TENM2: variants seen among roughly 807,000 people sequenced by gnomAD.
TENM2 encodes the protein teneurin transmembrane protein 2.
A neutral mutation model predicts 245.2 loss-of-function variants in TENM2; 52 were observed. The ratio of observed to expected loss-of-function variants is 0.21; its 90% CI spans 0.17 to 0.27. TENM2 has a LOEUF of 0.27. Ranked by LOEUF, TENM2 falls within the 10% of genes least tolerant of loss-of-function variation. The pLI is 1.00. For missense variants in TENM2, 3,046 were observed against 3,666.8 expected, an observed-to-expected ratio of 0.83 and a Z score of 4.37; for synonymous variants, 1,363 against 1,438.9, an observed-to-expected ratio of 0.95 and a Z score of 1.19.
chr5:167,411,445 A>C (rs980402645), intron 2 of TENM2, among the ~76,000 whole-genome samples: 1 of 152,000 alleles, frequency 6.6e-6, no homozygotes, highest in East Asian at 1.9e-4. Context: ...CTTTAACTGA[A>C]AGAGATGGCG....
intron 5 of TENM2, among the ~76,000 whole-genome samples, chr5:168,007,585 A>G (rs1189417124): frequency 6.6e-6 from 1 of 152,198 alleles, no homozygotes; most frequent in Non-Finnish European, 1.5e-5. Context: ...TCAGTATAGA[A>G]GGGCACTCAA....
chr5:167,119,986 G>A, the TENM2 span, among the ~76,000 whole-genome samples: 1 of 152,160 alleles, frequency 6.6e-6, no homozygotes, highest in African/African-American at 2.4e-5. Context: ...GGATCTTCAG[G>A]GGAAGAGATG....
chr5:168,204,431 AC>A lies in TENM2; in HGVS notation c.3636del (p.Ser1213AlafsTer56). On this transcript the variant is annotated frameshift_variant, in exon 19 of 29. Coordinates refer to ENST00000518659, the Ensembl canonical transcript of TENM2. LOFTEE classifies it high-confidence loss of function. ...CCTGACCCAGCAGCCTGCCATCATC[AC>A]CAGCATCATGGGCAATGGTCGCCGC... 1 of 1,613,800 alleles carries A rather than the reference AC, an allele frequency of 6.2e-7. No homozygotes were observed.
At chr5:167,459,509 T>C (rs1311340670) in intron 2 of TENM2, among the ~76,000 whole-genome samples, 1 of 152,206 alleles carries the variant, frequency 6.6e-6, no homozygotes, top group African/African-American at 2.4e-5. Flanking sequence ...TTGGGGTATA[T>C]ACCCCCAAAT....
the TENM2 span, among the ~76,000 whole-genome samples, chr5:167,053,831 G>A: frequency 6.6e-6 from 1 of 152,038 alleles, no homozygotes; most frequent in Admixed American, 6.6e-5. Flanking sequence ...CTAACCATAG[G>A]TATTTCCAGG....
the TENM2 span, among the ~76,000 whole-genome samples, chr5:167,229,019 T>G: frequency 6.6e-6 from 1 of 152,146 alleles, no homozygotes; most frequent in African/African-American, 2.4e-5. Flanking sequence ...TAAATTTGAT[T>G]CCATAAGGGA....
chr5:167,997,348 C>G (rs1428228279), intron 5 of TENM2, among the ~76,000 whole-genome samples: 1 of 152,200 alleles, frequency 6.6e-6, no homozygotes, highest in Admixed American at 6.5e-5. Context: ...CTCACCTTAT[C>G]TAGCTCTATC....
At chr5:167,825,877 A>C (rs1312229257) in intron 2 of TENM2, among the ~76,000 whole-genome samples, 2 of 151,944 alleles carry the variant, frequency 1.3e-5, no homozygotes, top group Non-Finnish European at 2.9e-5. Context: ...AAAAAAAAAA[A>C]AAACAACTGT....
rs746682997 is a variant in TENM2, at chr5:168,005,220, A to C, written c.1186+12038A>C. Among the ~76,000 whole-genome samples the C allele has an allele frequency of 7.5e-4, 115 of 152,342 alleles. 1 individual carries two copies. Among genetic ancestry groups the C allele is most frequent in the Non-Finnish European group, 9.8e-4 (67 of 68,028 alleles). On this transcript the variant is annotated intron_variant, in intron 5 of 28. Transcript: ENST00000518659. ...GCCAAAGGTAAATAGGAGAGTGGAT[A>C]CAATGAAATGATCTGTGACTAAATG...
chr5:167,241,592 G>A, the TENM2 span, among the ~76,000 whole-genome samples: 25 of 152,170 alleles, frequency 1.6e-4, 1 homozygote, highest in Non-Finnish European at 3.2e-4. Context: ...GGTATAACAC[G>A]ACTCAAGAGA....
chr5:167,569,921 T>G (rs1173598531), intron 2 of TENM2, among the ~76,000 whole-genome samples: 11 of 152,150 alleles, frequency 7.2e-5, no homozygotes, highest in Non-Finnish European at 1.3e-4. Context: ...CTCCTAATTA[T>G]GATACATCCG....
At chr5:167,646,191 TGTTGTTTTC>T (rs1340833027) in intron 2 of TENM2, among the ~76,000 whole-genome samples, 19 of 113,172 alleles carry the variant, frequency 1.7e-4, no homozygotes, top group Admixed American at 1.4e-3. Flanking sequence ...TATATATATA[TGTTGTTTTC>T]ATATATATAT....
rs1004777625 is a variant in TENM2 at position 167,326,645 on chromosome 5, T to A, written c.226+41582T>A. ...CCGAGTTCATGCCACTGCACTCCAGTCTGGTGAAAAGAATGAGACTCCGTC... is the reference window on the plus strand; with the variant it reads ...CCGAGTTCATGCCACTGCACTCCAGACTGGTGAAAAGAATGAGACTCCGTC... On this transcript the variant is annotated intron_variant, in intron 1 of 28. Coordinates refer to ENST00000518659, the Ensembl canonical transcript of TENM2. Among the ~76,000 whole-genome samples the A allele has an allele frequency of 6.6e-5, 10 of 150,626 alleles. No individual in the cohort carries two copies. The East Asian group carries it at 1.9e-3, about 29-fold the overall frequency.
In TENM2 at chr5:167,967,245, G is replaced by A. The variant is rs1357862434; in HGVS notation, c.947+14423G>A. 2.6e-5 allele frequency among the ~76,000 whole-genome samples: 4 copies of A among 152,082 alleles called. No individual in the cohort carries two copies. The South Asian group carries it at 6.2e-4, about 24-fold the overall frequency. On this transcript the variant is annotated intron_variant, in intron 4 of 28. Transcript: ENST00000518659. The stretch of plus-strand genomic sequence containing the variant: ...GCAGAGAAAAAGCTGGTTAGGAGGG[G>A]CACCTCATCCCCCACATCACTTTCT...
At chr5:167,807,871 T>G (rs1443993441) in intron 2 of TENM2, among the ~76,000 whole-genome samples, 1 of 152,154 alleles carries the variant, frequency 6.6e-6, no homozygotes, top group Non-Finnish European at 1.5e-5. Context: ...GTCACACCCG[T>G]ACCAGTGAAA....
chr5:167,273,709 T>C, the TENM2 span, among the ~76,000 whole-genome samples: 1 of 152,264 alleles, frequency 6.6e-6, no homozygotes, highest in South Asian at 2.1e-4. Context: ...ATAAAGACTA[T>C]GTTGTCCAAG....
intron 2 of TENM2, among the ~76,000 whole-genome samples, chr5:167,651,800 C>G (rs191943026): frequency 9.7e-4 from 147 of 152,248 alleles, no homozygotes; most frequent in African/African-American, 3.4e-3. Context: ...TCTTTCTGTT[C>G]TGAACACACG....
intron 19 of TENM2, among the ~76,000 whole-genome samples, chr5:168,207,580 A>G (rs1762456238): frequency 6.6e-6 from 1 of 152,128 alleles, no homozygotes; most frequent in Non-Finnish European, 1.5e-5. Context: ...TTTTCTTCCC[A>G]CTACATACCT....
At chr5:167,297,097 C>CA in intron 1 of TENM2, among the ~76,000 whole-genome samples, 1 of 152,140 alleles carries the variant, frequency 6.6e-6, no homozygotes, top group Non-Finnish European at 1.5e-5. Context: ...GATTTGAGTG[C>CA]AAAAGGACAT....
Sources: gnomAD v4.1 joint callset for allele counts (sites outside exome capture counted in the v4.1 genomes callset) on GRCh38, gnomAD v4.1.1 for gene constraint, MANE v1.5 for transcripts, NCBI Gene and HGNC (gene_info 2026-07-23, HGNC 2026-07-21) for gene names.